Variants in ERG observed in about 807,000 individuals in gnomAD.
ERG encodes ETS transcription factor ERG.
A neutral mutation model predicts 55.3 loss-of-function variants in ERG; 9 were observed. The ratio of observed to expected loss-of-function variants is 0.16; its 90% CI spans 0.10 to 0.28. The LOEUF (loss-of-function observed/expected upper bound fraction) is 0.28. Among genes scored for constraint, ERG ranks in the 10% least tolerant of loss-of-function variants. The probability of loss-of-function intolerance (pLI) is 1.00; values close to 1 mark genes in which losing one functional copy is unlikely to be tolerated. For missense variants in ERG, 434 were observed against 631.6 expected, an observed-to-expected ratio of 0.69 and a Z score of 3.35; for synonymous variants, 223 against 237.3, an observed-to-expected ratio of 0.94 and a Z score of 0.55.
At chr21:38,478,972 GC>G (rs774842727) in intron 1 of ERG, among the ~76,000 whole-genome samples, 1 of 152,096 alleles carries the variant, frequency 6.6e-6, no homozygotes, top group Non-Finnish European at 1.5e-5. Flanking sequence ...TGTGTGGGCT[GC>G]CCTAAGCTTT....
chr21:38,531,598 T>C (rs371615343), intron 2 of ERG, among the ~76,000 whole-genome samples: 30 of 152,210 alleles, frequency 2.0e-4, no homozygotes, highest in East Asian at 5.8e-4. Context: ...CTGGCTTAGA[T>C]ATATTAAGGA....
intron 9 of ERG, among the ~76,000 whole-genome samples, chr21:38,387,231 C>A (rs940487565): frequency 2.0e-5 from 3 of 152,204 alleles, no homozygotes; most frequent in Non-Finnish European, 4.4e-5. Flanking sequence ...AGGGGCCCCA[C>A]CAGTACCATG....
intron 9 of ERG, among the ~76,000 whole-genome samples, chr21:38,385,793 T>C (rs1428420308): frequency 6.6e-6 from 1 of 152,242 alleles, no homozygotes; most frequent in Non-Finnish European, 1.5e-5. Context: ...GAAAACCATA[T>C]GGTCTTAGTA....
At chr21:38,634,555 AGTTT>A (rs1328799585) in intron 1 of ERG, among the ~76,000 whole-genome samples, 1 of 152,230 alleles carries the variant, frequency 6.6e-6, no homozygotes, top group African/African-American at 2.4e-5. Flanking sequence ...CTTCGAGTCC[AGTTT>A]TAAGGCACAT....
intron 2 of ERG, among the ~76,000 whole-genome samples, chr21:38,571,095 T>C (rs2146854845): frequency 6.6e-6 from 1 of 152,360 alleles, no homozygotes; most frequent in South Asian, 2.1e-4. Flanking sequence ...CTATTTTTTT[T>C]GTCGGCTGAT....
intron 1 of ERG, among the ~76,000 whole-genome samples, chr21:38,461,004 T>C (rs187500206): frequency 2.2e-4 from 33 of 152,354 alleles, no homozygotes; most frequent in African/African-American, 7.2e-4. Flanking sequence ...GGCTGAATTT[T>C]CCTCAAGGAA....
chr21:38,584,572 G>A (rs188358773), intron 1 of ERG, among the ~76,000 whole-genome samples: 1 of 152,170 alleles, frequency 6.6e-6, no homozygotes, highest in Non-Finnish European at 1.5e-5. Context: ...GAAGACTATA[G>A]AACTGAGAAG....
chr21:38,619,774 T>C (rs1408484500), intron 1 of ERG, among the ~76,000 whole-genome samples: 1 of 152,256 alleles, frequency 6.6e-6, no homozygotes, highest in African/African-American at 2.4e-5. Flanking sequence ...AGCATCATTG[T>C]CATCACTTTC....
rs768958493 is a variant in ERG, at chr21:38,381,760, A to G, written c.*1643T>C. On this transcript the variant is annotated 3_prime_UTR_variant, in exon 10 of 10. Coordinates refer to ENST00000288319, the MANE Select transcript of ERG (RefSeq NM_182918.4). ...ACCCCAGCTTCATAGGCCTCTTTCC[A>G]TTCCAGGCATAAATATGGAGGCTCC... The G allele has an allele frequency of 5.6e-6, 6 of 1,063,244 alleles. No individual in the cohort carries two copies. The African/African-American group carries it at 8.2e-5, about 15-fold the overall frequency. The allele number at this position is 1,063,244 out of a possible 1,614,324, so 65.9% of individuals were successfully genotyped here.
chr21:38,374,425 G>A, the ERG span, among the ~76,000 whole-genome samples: 10 of 152,192 alleles, frequency 6.6e-5, no homozygotes, highest in South Asian at 8.3e-4. Flanking sequence ...TGGACTTCCC[G>A]AGTAGAAAGC....
intron 1 of ERG, among the ~76,000 whole-genome samples, chr21:38,478,067 C>T (rs1016543482): frequency 9.2e-5 from 14 of 152,202 alleles, no homozygotes; most frequent in African/African-American, 2.4e-4. Context: ...GCCTCAGAGA[C>T]GTGTTTGCAC....
At chr21:38,660,720 G>T (rs887465303) in intron 1 of ERG, 1 of 151,928 alleles carries the variant, frequency 6.6e-6, no homozygotes. Context: ...CAATCGCGGA[G>T]CAGGGCGGCC....
chr21:38,488,011 C>T (rs780263641), intron 1 of ERG, among the ~76,000 whole-genome samples: 4 of 152,048 alleles, frequency 2.6e-5, no homozygotes, highest in Admixed American at 1.3e-4. Context: ...GGCAGTCTCT[C>T]GGGGTCAAAT....
At chr21:38,644,926 G>A (rs1003696021) in intron 1 of ERG, among the ~76,000 whole-genome samples, 9 of 151,232 alleles carry the variant, frequency 6.0e-5, no homozygotes, top group Non-Finnish European at 1.0e-4. Flanking sequence ...AGGGGCCAAG[G>A]AGGGAGCATC....
chr21:38,488,213 C>T (rs895209480), intron 1 of ERG, among the ~76,000 whole-genome samples: 1 of 152,110 alleles, frequency 6.6e-6, no homozygotes, highest in Non-Finnish European at 1.5e-5. Flanking sequence ...ATTTTCTGAT[C>T]GCCAAAGGGG....
At chr21:38,489,998 G>A (rs1252696397) in intron 1 of ERG, among the ~76,000 whole-genome samples, 2 of 152,226 alleles carry the variant, frequency 1.3e-5, no homozygotes, top group South Asian at 2.1e-4. Flanking sequence ...GGGAGACACA[G>A]AAGTTAACAA....
rs780550317 is a variant in ERG, at chr21:38,383,361, G to C, written c.*42C>G. ...TCTCCGATAGAGTTTGTGGCGATGG[G>C]CTGGTGAATGCACGCTGATGGGAAA... is the stretch of plus-strand genomic sequence containing the variant. On this transcript the variant is annotated 3_prime_UTR_variant, in exon 10 of 10. Transcript: ENST00000288319. The surrounding 1 kb of genome is among the most constrained non-coding windows in gnomAD (Gnocchi z 5.7). The C allele has an allele frequency of 2.1e-6, 3 of 1,455,244 alleles. No individual in the cohort carries two copies. Among genetic ancestry groups the C allele is most frequent in the Non-Finnish European group, 2.7e-6 (3 of 1,100,106 alleles). The allele number at this position is 1,455,244 out of a possible 1,614,324, so 90.1% of individuals were successfully genotyped here. A position where few individuals can be genotyped will look rare whatever the true frequency, so the allele number is the denominator to read the frequency against.
chr21:38,554,396 T>C (rs1785145913), intron 2 of ERG, among the ~76,000 whole-genome samples: 1 of 152,196 alleles, frequency 6.6e-6, no homozygotes. Flanking sequence ...TTATTCACAA[T>C]AGCAAAGACA....
intron 1 of ERG, among the ~76,000 whole-genome samples, chr21:38,458,867 G>A (rs1053076390): frequency 6.6e-6 from 1 of 152,130 alleles, no homozygotes; most frequent in Non-Finnish European, 1.5e-5. Flanking sequence ...GTCCTGCCAC[G>A]ATTAGGAGTG....
Sources: allele counts gnomAD v4.1 joint callset (sites outside exome capture counted in the v4.1 genomes callset), GRCh38; gene constraint gnomAD v4.1.1; non-coding constraint Gnocchi (gnomAD v3.1); transcripts MANE v1.5; gene names NCBI Gene and HGNC (gene_info 2026-07-23, HGNC 2026-07-21).